IGF1: variants seen among roughly 807,000 people sequenced by gnomAD.
IGF1 encodes insulin-like growth factor 1.
In IGF1, 4 loss-of-function variants were observed where a neutral mutation model predicts 13.8. The observed-to-expected ratio is 0.29, with a 90% CI of 0.14 to 0.66. The LOEUF (loss-of-function observed/expected upper bound fraction) is 0.66. Among genes scored for constraint, IGF1 ranks in the 30% least tolerant of loss-of-function variants. The pLI is 0.78. For synonymous variants in IGF1, 76 were observed against 72.6 expected (o/e 1.05, Z -0.23); for missense variants, 124 against 188.5 (o/e 0.66, Z 2.00).
At chr12:102,441,906 G>GCTGCTGCTGCTGCTGCTT in intron 2 of IGF1, among the ~76,000 whole-genome samples, 13 of 100,290 alleles carry the variant, frequency 1.3e-4, no homozygotes, top group African/African-American at 2.4e-4. Flanking sequence ...CTATTACACT[G>GCTGCTGCTGCTGCTGCTT]CTTCTTCTCC....
intron 2 of IGF1, among the ~76,000 whole-genome samples, chr12:102,472,236 T>C (rs1880730793): frequency 6.6e-6 from 1 of 152,168 alleles, no homozygotes; most frequent in South Asian, 2.1e-4. Flanking sequence ...GCATTAATTA[T>C]ACATGAACTG....
chr12:102,456,537 A>G (rs1185268658), intron 2 of IGF1, among the ~76,000 whole-genome samples: 4 of 152,080 alleles, frequency 2.6e-5, no homozygotes, highest in African/African-American at 7.2e-5. Flanking sequence ...ATTGACATAA[A>G]TGATAGTCCT....
rs75562245 is a variant in IGF1 at position 102,441,492 on chromosome 12, T to C, written c.221-21802A>G. ...GCTGAAGCAAAGGGGGCAGGGAACA[T>C]AGAATAATGGTTTCAGGAATGACAA... On this transcript the variant is annotated intron_variant, in intron 2 of 3. Coordinates refer to ENST00000337514, the MANE Select transcript of IGF1 (RefSeq NM_000618.5). Among the ~76,000 whole-genome samples the C allele has an allele frequency of 9.9e-5, 15 of 152,262 alleles. No individual in the cohort carries two copies. In the East Asian group the frequency reaches 2.7e-3, roughly 27 times the overall value.
At chr12:102,445,218 A>G (rs10778174) in intron 2 of IGF1, among the ~76,000 whole-genome samples, 116,030 of 151,856 alleles carry the variant, frequency 0.76, 44,486 homozygotes, top group Admixed American at 0.83. Flanking sequence ...TTGGCTATCC[A>G]GGCTCTTTTT....
intron 2 of IGF1, chr12:102,423,262 A>G (rs1463979024): frequency 1.6e-5 from 1 of 63,642 alleles, no homozygotes; most frequent in East Asian, 5.5e-4. Flanking sequence ...ATGCTACGAA[A>G]AAAAAAAAAA....
rs57468885 is a variant in IGF1, at chr12:102,407,094, CAAAAAAAAAAAAAAAAAAAAAAAA to C, written c.403-4552_403-4529del. 2.0e-3 allele frequency among the ~76,000 whole-genome samples: 201 copies of C among 100,960 alleles called. 3 individuals carry two copies. The highest frequency in any genetic ancestry group is 9.1e-3 in the East Asian group (28 of 3,090). 66.2% of individuals were successfully genotyped at this position (100,960 alleles called of 152,430 possible). On this transcript the variant is annotated intron_variant, in intron 3 of 3. Transcript: ENST00000337514. Reference sequence around the variant, plus strand: ...TGGCGACAGAGTAAAACTCTGTCTCCAAAAAAAAAAAAAAAAAAAAAAAAAAAAAAAAAAAAAAAAGATCACTGA... The same window carrying C: ...TGGCGACAGAGTAAAACTCTGTCTCCAAAAAAAAAAAAAAAAGATCACTGA...
intron 2 of IGF1, among the ~76,000 whole-genome samples, chr12:102,466,359 A>AT (rs1240711528): frequency 6.6e-6 from 1 of 151,914 alleles, no homozygotes; most frequent in Non-Finnish European, 1.5e-5. Flanking sequence ...CTCGGGGGTG[A>AT]TTTTGCCCCC....
At chr12:102,477,640 A>G (rs1566011142) in intron 1 of IGF1, among the ~76,000 whole-genome samples, 1 of 151,740 alleles carries the variant, frequency 6.6e-6, no homozygotes, top group Non-Finnish European at 1.5e-5. Flanking sequence ...GCATTTTTCA[A>G]AAGAACAAAC....
chr12:102,428,599 G>A (rs777102220), intron 2 of IGF1, among the ~76,000 whole-genome samples: 15 of 152,052 alleles, frequency 9.9e-5, no homozygotes, highest in Non-Finnish European at 1.9e-4. Context: ...TCACTTCTGT[G>A]GGCACTCAGA....
chr12:102,426,270 G>A (rs537202106), intron 2 of IGF1, among the ~76,000 whole-genome samples: 28 of 152,316 alleles, frequency 1.8e-4, no homozygotes, highest in African/African-American at 6.5e-4. Flanking sequence ...GTCCTCATAT[G>A]TAAAAAGGAT....
chr12:102,411,115 G>C (rs903450321), intron 3 of IGF1, among the ~76,000 whole-genome samples: 1 of 152,188 alleles, frequency 6.6e-6, no homozygotes, highest in Non-Finnish European at 1.5e-5. Flanking sequence ...AGACAAATCA[G>C]AGCATTCAAT....
intron 2 of IGF1, among the ~76,000 whole-genome samples, chr12:102,442,750 TG>T (rs1381874606): frequency 6.6e-6 from 1 of 152,142 alleles, no homozygotes; most frequent in African/African-American, 2.4e-5. Context: ...AGTATAAAAT[TG>T]CTCAAGAAAT....
At chr12:102,464,156 G>A (rs1880131055) in intron 2 of IGF1, among the ~76,000 whole-genome samples, 1 of 152,090 alleles carries the variant, frequency 6.6e-6, no homozygotes, top group Admixed American at 6.5e-5. Context: ...TGGAGGTTCT[G>A]TTCTCACTTT....
intron 2 of IGF1, 114 bp downstream of exon 2, chr12:102,475,529 A>G (rs1360293069): frequency 9.9e-6 from 12 of 1,217,570 alleles, no homozygotes; most frequent in Non-Finnish European, 1.4e-5. Context: ...GAGGCCTAGG[A>G]TGGCTGCCAG....
intron 2 of IGF1, among the ~76,000 whole-genome samples, chr12:102,435,492 G>C (rs1381948432): frequency 6.6e-6 from 1 of 152,184 alleles, no homozygotes; most frequent in Non-Finnish European, 1.5e-5. Context: ...ATTCCAGAGA[G>C]TGCCTGGCAG....
chr12:102,418,165 G>A (rs543601377), intron 3 of IGF1, among the ~76,000 whole-genome samples: 131 of 152,280 alleles, frequency 8.6e-4, no homozygotes, highest in African/African-American at 3.1e-3. Flanking sequence ...CAGAACTTTG[G>A]GACTCATCTC....
intron 2 of IGF1, among the ~76,000 whole-genome samples, chr12:102,441,955 C>CTTCTTCTTCTTCTTCTTCTTCTTCT (rs1555244164): frequency 5.0e-5 from 7 of 140,056 alleles, no homozygotes; most frequent in East Asian, 2.0e-4. Flanking sequence ...TCTTCTTCTT[C>CTTCTTCTTCTTCTTCTTCTTCTTCT]TTTTTTTTTT....
intron 2 of IGF1, among the ~76,000 whole-genome samples, chr12:102,461,772 G>A (rs1306024711): frequency 6.6e-6 from 1 of 152,170 alleles, no homozygotes; most frequent in Non-Finnish European, 1.5e-5. Flanking sequence ...TTCCTCTGAG[G>A]AAAGGTTCCA....
rs939410885 is a variant in IGF1, at chr12:102,420,170, A to G, written c.221-480T>C. Among the ~76,000 whole-genome samples, 3 of 152,294 alleles carry G rather than the reference A, an allele frequency of 2.0e-5. No individual in the cohort carries two copies. The South Asian group carries it at 6.2e-4, about 32-fold the overall frequency. ...ACATCAAAGAGTTTTTAAGTTTGGA[A>G]AGGGCTCCTCATTTTACTAATGTGA... On this transcript the variant is annotated intron_variant, in intron 2 of 3. Transcript: ENST00000337514.
Sources: gnomAD v4.1 joint callset for allele counts (sites outside exome capture counted in the v4.1 genomes callset) on GRCh38, gnomAD v4.1.1 for gene constraint, MANE v1.5 for transcripts, NCBI Gene and HGNC (gene_info 2026-07-23, HGNC 2026-07-21) for gene names.